SMIM17: variants seen among roughly 807,000 people sequenced by gnomAD.
SMIM17 encodes small integral membrane protein 17.
A neutral mutation model predicts 12.2 loss-of-function variants in SMIM17; 10 were observed. The observed-to-expected ratio is 0.82, with a 90% CI of 0.50 to 1.39. The LOEUF is 1.39. SMIM17 is among the 40% of genes most tolerant of loss of function. The probability of loss-of-function intolerance (pLI) is 0.00; values close to 1 mark genes in which losing one functional copy is unlikely to be tolerated. For synonymous variants in SMIM17, 50 were observed against 44.1 expected (o/e 1.13, Z -0.53); for missense variants, 136 against 118.2 (o/e 1.15, Z -0.70).
Position 56,655,961 on chromosome 19 carries a change from T to G in SMIM17, c.*748T>G, listed in dbSNP as rs1015741614. On this transcript the variant is annotated 3_prime_UTR_variant, in exon 4 of 4. Transcript: ENST00000598409. ...CGAATTACAGAGGTTTTTGTTTTTTTTTTTTTTTGAGACCGAGTCTCACTC... is the reference window on the plus strand; with the variant it reads ...CGAATTACAGAGGTTTTTGTTTTTTGTTTTTTTTGAGACCGAGTCTCACTC... Among the ~76,000 whole-genome samples, 2 of 151,088 alleles carry G rather than the reference T, an allele frequency of 1.3e-5. No individual in the cohort carries two copies. Among genetic ancestry groups the G allele is most frequent in the South Asian group, 2.1e-4 (1 of 4,798 alleles).
At chr19:56,649,985 G>A (rs2045096898) in intron 3 of SMIM17, among the ~76,000 whole-genome samples, 1 of 152,024 alleles carries the variant, frequency 6.6e-6, no homozygotes, top group African/African-American at 2.4e-5. Context: ...GAAGGTGTTC[G>A]GGGACTTACA....
At chr19:56,648,375 T>TTTCATCCATCCATCCA (rs111785584) in intron 3 of SMIM17, among the ~76,000 whole-genome samples, 1 of 146,242 alleles carries the variant, frequency 6.8e-6, no homozygotes, top group Middle Eastern at 3.6e-3. Context: ...CATATACCCA[T>TTTCATCCATCCATCCA]TCCATCCATC....
At chr19:56,653,780 G>A (rs934302465) in intron 3 of SMIM17, among the ~76,000 whole-genome samples, 5 of 152,216 alleles carry the variant, frequency 3.3e-5, no homozygotes, top group African/African-American at 1.2e-4. Context: ...GAGGGAATCA[G>A]CAGGCTAAAG....
intron 1 of SMIM17, among the ~76,000 whole-genome samples, chr19:56,644,251 C>T (rs2148036745): frequency 6.6e-6 from 1 of 151,820 alleles, no homozygotes; most frequent in East Asian, 1.9e-4. Context: ...AATCAGAACT[C>T]CCTAATGGTA....
intron 3 of SMIM17, 97 bp from the exon 4 acceptor site, chr19:56,655,006 A>T: frequency 1.9e-6 from 1 of 526,594 alleles, no homozygotes; most frequent in South Asian, 3.2e-5. Context: ...TCTTGATATG[A>T]CATTTCATTT....
chr19:56,655,147 C>G lies in SMIM17; in HGVS notation c.291C>G (p.Val97=). 1 of 702,550 alleles carries G rather than the reference C, an allele frequency of 1.4e-6. No individual in the cohort carries two copies. The highest frequency in any genetic ancestry group is 2.6e-6 in the Non-Finnish European group (1 of 384,776). 43.5% of individuals were successfully genotyped at this position (702,550 alleles called of 1,614,324 possible). A position where few individuals can be genotyped will look rare whatever the true frequency, so the allele number is the denominator to read the frequency against. ...WSKAPQQTTI[V]LVVCVLFLFL... ...AAGCTCCACAACAAACAACCATAGT[C>G]TTGGTAGTGTGCGTGCTTTTTTTGT... Residue 97 remains valine (V), a synonymous_variant, in exon 4 of 4, where the codon GTC becomes GTG. Transcript: ENST00000598409.
intron 1 of SMIM17, 93 bp from the exon 2 acceptor site, chr19:56,645,475 A>C: frequency 2.2e-6 from 1 of 458,220 alleles, no homozygotes; most frequent in Non-Finnish European, 3.7e-6. Flanking sequence ...AGGAATCTCC[A>C]CTTGATTACT....
intron 3 of SMIM17, among the ~76,000 whole-genome samples, chr19:56,654,105 T>C (rs1037803826): frequency 7.2e-5 from 11 of 152,268 alleles, no homozygotes; most frequent in African/African-American, 2.2e-4. Flanking sequence ...ACAGAGTTCA[T>C]ACCCTGTTCC....
At chr19:56,644,905 C>G (rs961364884) in intron 1 of SMIM17, among the ~76,000 whole-genome samples, 2 of 152,180 alleles carry the variant, frequency 1.3e-5, no homozygotes, top group African/African-American at 4.8e-5. Flanking sequence ...ACTACAGGCT[C>G]GTGACACCAC....
chr19:56,644,829 G>T (rs1261912170), intron 1 of SMIM17, among the ~76,000 whole-genome samples: 1 of 152,216 alleles, frequency 6.6e-6, no homozygotes, highest in Middle Eastern at 3.2e-3. Context: ...CTGGAGTGCA[G>T]TGGCACGATC....
rs531849210 is a variant in SMIM17, at chr19:56,652,955, C to G, written c.247-2148C>G. On this transcript the variant is annotated intron_variant, in intron 3 of 3. Coordinates refer to ENST00000598409, the MANE Select transcript of SMIM17 (RefSeq NM_001193628.2). ...GAAATTAGGTGAGGCATCCATGGGTCTATTATGTGTGATGTGTGTAAAACT... is the reference window on the plus strand; with the variant it reads ...GAAATTAGGTGAGGCATCCATGGGTGTATTATGTGTGATGTGTGTAAAACT... 4.8e-4 allele frequency among the ~76,000 whole-genome samples: 73 copies of G among 152,254 alleles called. 1 individual carries two copies. The highest frequency in any genetic ancestry group is 2.5e-3 in the Admixed American group (38 of 15,294).
rs1447930512 is a variant in SMIM17, at chr19:56,655,268, G to A, written c.*55G>A. The A allele has an allele frequency of 1.5e-6, 1 of 674,402 alleles. No homozygotes were observed. The allele number at this position is 674,402 out of a possible 1,614,324, so 41.8% of individuals were successfully genotyped here. ...TAATTTAATGAAATAGATGCCCTAT[G>A]TCATGTTAAGGAATTGTGCTAGTTA... On this transcript the variant is annotated 3_prime_UTR_variant, in exon 4 of 4. Transcript: ENST00000598409.
intron 1 of SMIM17, among the ~76,000 whole-genome samples, chr19:56,643,516 T>C (rs1225523196): frequency 6.6e-6 from 1 of 152,060 alleles, no homozygotes; most frequent in Non-Finnish European, 1.5e-5. Flanking sequence ...AGCACAGACC[T>C]GTGTACCCTC....
chr19:56,646,276 G>A (rs916321285), intron 2 of SMIM17, among the ~76,000 whole-genome samples: 2 of 152,154 alleles, frequency 1.3e-5, no homozygotes, highest in African/African-American at 4.8e-5. Context: ...TGGCAAGAGA[G>A]GGAATTCCCC....
intron 1 of SMIM17, 27 bp from the exon 2 acceptor site, chr19:56,645,541 T>C: frequency 1.1e-6 from 1 of 876,606 alleles, no homozygotes; most frequent in South Asian, 2.2e-5. Context: ...TCTGTAATGA[T>C]TCACTGAATG....
At chr19:56,653,321 T>C (rs187097767) in intron 3 of SMIM17, among the ~76,000 whole-genome samples, 19 of 152,336 alleles carry the variant, frequency 1.2e-4, no homozygotes, top group South Asian at 1.0e-3. Flanking sequence ...AAGGAAATTA[T>C]GGCAAAATTG....
At chr19:56,644,144 T>C (rs553532959) in intron 1 of SMIM17, among the ~76,000 whole-genome samples, 74 of 152,178 alleles carry the variant, frequency 4.9e-4, no homozygotes, top group African/African-American at 1.6e-3. Flanking sequence ...CTGCATTTTC[T>C]CCTTTCTCAT....
rs35121437 is a variant in SMIM17 at position 56,648,131 on chromosome 19, TATCCATCCATCCATCCATCC to T, written c.246+528_246+547del. Among the ~76,000 whole-genome samples, 569 of 129,286 alleles carry T rather than the reference TATCCATCCATCCATCCATCC, an allele frequency of 4.4e-3. 4 individuals carry two copies. The highest frequency in any genetic ancestry group is 0.015 in the African/African-American group (494 of 32,736). 84.8% of individuals were successfully genotyped at this position (129,286 alleles called of 152,430 possible). A position where few individuals can be genotyped will look rare whatever the true frequency, so the allele number is the denominator to read the frequency against. ...CCTATACTTCATCTGTTTATCCACT[TATCCATCCATCCATCCATCC>T]ATCCATCCATCCATCCATCCATCCA... On this transcript the variant is annotated intron_variant, in intron 3 of 3. Coordinates refer to ENST00000598409, the MANE Select transcript of SMIM17 (RefSeq NM_001193628.2).
chr19:56,646,129 C>G (rs184828670), intron 2 of SMIM17, among the ~76,000 whole-genome samples: 1 of 152,136 alleles, frequency 6.6e-6, no homozygotes, highest in African/African-American at 2.4e-5. Flanking sequence ...GGCCACTGGT[C>G]GATCTCAGAT....
Sources: gnomAD v4.1 joint callset for allele counts (sites outside exome capture counted in the v4.1 genomes callset) on GRCh38, gnomAD v4.1.1 for gene constraint, MANE v1.5 for transcripts, NCBI Gene and HGNC (gene_info 2026-07-23, HGNC 2026-07-21) for gene names.